Variants in ROBO2 observed in about 807,000 individuals in gnomAD.
ROBO2 encodes roundabout guidance receptor 2.
Under a neutral mutation model 160.8 loss-of-function variants are expected in ROBO2, and 53 were observed. That is an observed-to-expected ratio of 0.33 (90% CI 0.26 to 0.41). ROBO2 has a LOEUF of 0.41. ROBO2 is among the 10% of genes least tolerant of loss of function. ROBO2 has a pLI of 1.00. For synonymous variants in ROBO2, 664 were observed against 611.7 expected, an observed-to-expected ratio of 1.09 and a Z score of -1.26; for missense variants, 1,577 against 1,722.4, an observed-to-expected ratio of 0.92 and a Z score of 1.49.
intron 2 of ROBO2, among the ~76,000 whole-genome samples, chr3:76,639,017 A>G (rs1194076765): frequency 6.6e-6 from 1 of 152,104 alleles, no homozygotes; most frequent in Non-Finnish European, 1.5e-5. Flanking sequence ...TGGCACTTCT[A>G]TTCCAAAGAC....
At chr3:77,554,300 G>A (rs765962863) in intron 8 of ROBO2, among the ~76,000 whole-genome samples, 4 of 151,824 alleles carry the variant, frequency 2.6e-5, no homozygotes, top group Non-Finnish European at 4.4e-5. Context: ...TCTCATCTAC[G>A]TGTACCTTGT....
chr3:76,043,670 A>ACAAAC (rs2067356665), intron 2 of ROBO2, among the ~76,000 whole-genome samples: 1 of 150,864 alleles, frequency 6.6e-6, no homozygotes, highest in Non-Finnish European at 1.5e-5. Context: ...CCAAACCAAA[A>ACAAAC]CAAACCAAAA....
chr3:77,597,056 T>A (rs1001719407), intron 19 of ROBO2, among the ~76,000 whole-genome samples: 1 of 152,058 alleles, frequency 6.6e-6, no homozygotes, highest in Non-Finnish European at 1.5e-5. Context: ...GAGACTATTT[T>A]GTTAACTAGG....
At chr3:76,315,758 A>C (rs534605775) in intron 2 of ROBO2, among the ~76,000 whole-genome samples, 1 of 152,330 alleles carries the variant, frequency 6.6e-6, no homozygotes, top group South Asian at 2.1e-4. Flanking sequence ...CTATTGGGTA[A>C]GAAATCAATA....
rs115918207 is a variant in ROBO2, at chr3:76,537,683, C to T, written c.110-560331C>T. Reference sequence around the variant, plus strand: ...TCCCTGGTTTCAGCACCAAGTATCACTCATGTTTGTATAGAAGACCACCTA... The same window carrying T: ...TCCCTGGTTTCAGCACCAAGTATCATTCATGTTTGTATAGAAGACCACCTA... On this transcript the variant is annotated intron_variant, in intron 2 of 26. Transcript: ENST00000487694. Among the ~76,000 whole-genome samples, 497 of 152,204 alleles carry T rather than the reference C, an allele frequency of 3.3e-3. 5 individuals are homozygous for T. The highest frequency in any genetic ancestry group is 0.012 in the African/African-American group (479 of 41,494).
chr3:76,444,080 C>T (rs1228740785), intron 2 of ROBO2, among the ~76,000 whole-genome samples: 2 of 152,122 alleles, frequency 1.3e-5, no homozygotes, highest in Non-Finnish European at 2.9e-5. Flanking sequence ...ATTCTCCTGC[C>T]TCAGCCTCCT....
intron 2 of ROBO2, among the ~76,000 whole-genome samples, chr3:77,285,526 C>G (rs890960022): frequency 2.6e-5 from 4 of 152,130 alleles, no homozygotes; most frequent in African/African-American, 4.8e-5. Context: ...GTCTCCTATA[C>G]CACCTTGAAT....
intron 2 of ROBO2, among the ~76,000 whole-genome samples, chr3:77,420,983 C>G (rs2077661616): frequency 1.3e-5 from 2 of 152,136 alleles, no homozygotes. Flanking sequence ...ACCCCTTCTT[C>G]CAGCTCAGTC....
chr3:77,526,966 T>C (rs2091222136), intron 6 of ROBO2, among the ~76,000 whole-genome samples: 3 of 151,474 alleles, frequency 2.0e-5, no homozygotes. Flanking sequence ...CTTGTAATGG[T>C]TCTGACTAAC....
intron 2 of ROBO2, among the ~76,000 whole-genome samples, chr3:76,628,690 A>G (rs934559066): frequency 6.6e-6 from 1 of 152,120 alleles, no homozygotes; most frequent in African/African-American, 2.4e-5. Flanking sequence ...AGCTGTGAAA[A>G]TGTAGTCAAA....
At chr3:77,015,716 A>C (rs2062197147) in intron 2 of ROBO2, among the ~76,000 whole-genome samples, 1 of 152,204 alleles carries the variant, frequency 6.6e-6, no homozygotes, top group Non-Finnish European at 1.5e-5. Flanking sequence ...AAGAAGGGCT[A>C]TTCAAGCTGG....
chr3:75,914,885 A>G (rs991863235), intron 1 of ROBO2, among the ~76,000 whole-genome samples: 10 of 152,182 alleles, frequency 6.6e-5, no homozygotes, highest in African/African-American at 2.4e-4. Context: ...ACCATAAGTA[A>G]GAAGGATGGT....
chr3:76,472,372 A>C (rs2078711248), intron 2 of ROBO2, among the ~76,000 whole-genome samples: 1 of 152,132 alleles, frequency 6.6e-6, no homozygotes, highest in East Asian at 1.9e-4. Context: ...TGAATAGTGA[A>C]TTTGAAAATA....
chr3:76,651,547 G>A (rs1487200923), intron 2 of ROBO2, among the ~76,000 whole-genome samples: 6 of 151,670 alleles, frequency 4.0e-5, no homozygotes, highest in Non-Finnish European at 8.8e-5. Flanking sequence ...ATGACTAGTA[G>A]CTCAATGTAT....
chr3:77,326,801 C>T (rs557138131), intron 2 of ROBO2, among the ~76,000 whole-genome samples: 8 of 152,304 alleles, frequency 5.3e-5, no homozygotes, highest in African/African-American at 1.9e-4. Context: ...TAAGAACTAA[C>T]ACAACACAAG....
chr3:77,125,451 C>G (rs1394791789), intron 2 of ROBO2, among the ~76,000 whole-genome samples: 1 of 152,098 alleles, frequency 6.6e-6, no homozygotes, highest in Non-Finnish European at 1.5e-5. Flanking sequence ...CTTTAGTATT[C>G]TAAGATTAAC....
At chr3:77,326,225 G>C (rs943376683) in intron 2 of ROBO2, among the ~76,000 whole-genome samples, 6 of 152,158 alleles carry the variant, frequency 3.9e-5, no homozygotes, top group Non-Finnish European at 5.9e-5. Flanking sequence ...CTTTAACACA[G>C]TATTTGAGAA....
chr3:77,230,553 G>A (rs2087047355), intron 2 of ROBO2, among the ~76,000 whole-genome samples: 2 of 152,188 alleles, frequency 1.3e-5, no homozygotes, highest in South Asian at 4.1e-4. Context: ...TTGGACATAT[G>A]TATTCGCACC....
At chr3:76,470,657 A>G (rs1337571253) in intron 2 of ROBO2, among the ~76,000 whole-genome samples, 1 of 152,162 alleles carries the variant, frequency 6.6e-6, no homozygotes, top group African/African-American at 2.4e-5. Context: ...GGAACATATT[A>G]TAACTTTCAC....
Sources: allele counts gnomAD v4.1 joint callset (sites outside exome capture counted in the v4.1 genomes callset), GRCh38; gene constraint gnomAD v4.1.1; transcripts MANE v1.5; gene names NCBI Gene and HGNC (gene_info 2026-07-23, HGNC 2026-07-21).